DNAH8: variants seen among roughly 807,000 people sequenced by gnomAD.
DNAH8 encodes dynein axonemal heavy chain 8, also known as axonemal beta dynein heavy chain 8.
Under a neutral mutation model 562.1 loss-of-function variants are expected in DNAH8, and 382 were observed. That is an observed-to-expected ratio of 0.68 (90% CI 0.63 to 0.74). The LOEUF (loss-of-function observed/expected upper bound fraction) is 0.74, where lower values mean the gene tolerates loss of function less well. Ranked by LOEUF, DNAH8 falls within the 30% of genes least tolerant of loss-of-function variation. The pLI, the probability that DNAH8 is intolerant of heterozygous loss-of-function variation, is 0.00. For missense variants in DNAH8, 5,203 were observed against 5,620.4 expected, an observed-to-expected ratio of 0.93 and a Z score of 2.37; for synonymous variants, 1,881 against 1,919.4, an observed-to-expected ratio of 0.98 and a Z score of 0.52.
At chr6:38,808,756 A>G (rs1396462871) in intron 24 of DNAH8, among the ~76,000 whole-genome samples, 1 of 152,254 alleles carries the variant, frequency 6.6e-6, no homozygotes, top group East Asian at 1.9e-4. Flanking sequence ...AATACTATGC[A>G]GCCATAAAGA....
intron 88 of DNAH8, 78 bp downstream of exon 88, chr6:38,990,250 T>C: frequency 2.2e-6 from 2 of 916,346 alleles, no homozygotes; most frequent in Non-Finnish European, 3.3e-6. Flanking sequence ...TCATTTTCTC[T>C]CCTAATCTCT....
chr6:38,992,068 C>T (rs1017390282), intron 88 of DNAH8, among the ~76,000 whole-genome samples: 9 of 152,038 alleles, frequency 5.9e-5, no homozygotes, highest in African/African-American at 1.9e-4. Flanking sequence ...CAGGTTCAAG[C>T]GATTCTCCTG....
chr6:39,028,753 G>A (rs1767465600), intron 92 of DNAH8, among the ~76,000 whole-genome samples: 2 of 152,162 alleles, frequency 1.3e-5, no homozygotes, highest in South Asian at 2.1e-4. Context: ...GCTTTTAAGT[G>A]GTCCCATTAT....
Position 38,949,508 on chromosome 6 carries a change from G to A in DNAH8, c.12186G>A (p.Glu4062=). Residue 4062 remains glutamate, a synonymous_variant, in exon 81 of 93, where the codon GAG becomes GAA. Coordinates refer to ENST00000327475, the MANE Select transcript of DNAH8 (RefSeq NM_001206927.2). ...KSWFDKDAPE[E]EIIPDGYNDS... Reference sequence around the variant, plus strand: ...GGTTTGATAAAGATGCTCCAGAGGAGGAAATTATCCCTGATGGATATAATG... The same window carrying A: ...GGTTTGATAAAGATGCTCCAGAGGAAGAAATTATCCCTGATGGATATAATG... 3 of 1,613,546 alleles carry A rather than the reference G, an allele frequency of 1.9e-6. No homozygotes were observed. Among genetic ancestry groups the A allele is most frequent in the Non-Finnish European group, 1.7e-6 (2 of 1,179,590 alleles).
At chr6:38,768,495 A>C (rs2127618604) in intron 11 of DNAH8, among the ~76,000 whole-genome samples, 1 of 151,890 alleles carries the variant, frequency 6.6e-6, no homozygotes, top group South Asian at 2.1e-4. Flanking sequence ...CAAACTCCTG[A>C]GCTTAAGCCA....
chr6:38,998,089 G>C (rs13214471), intron 88 of DNAH8, among the ~76,000 whole-genome samples: 23,528 of 152,146 alleles, frequency 0.15, 2,296 homozygotes, highest in East Asian at 0.51. Flanking sequence ...ATTGGGCCAT[G>C]ATGGAGAACT....
At chr6:38,911,607 T>C in intron 66 of DNAH8, 21 bp downstream of exon 66, 1 of 1,465,936 alleles carries the variant, frequency 6.8e-7, no homozygotes, top group East Asian at 2.3e-5. Flanking sequence ...TGGAATGGAA[T>C]GGGATGGAAT....
In DNAH8 at chr6:38,853,315, C is replaced by T. The variant is rs111580219; in HGVS notation, c.5701C>T (p.Leu1901Phe). 9.4e-4 allele frequency: 1,524 copies of T among 1,613,488 alleles called. 12 individuals carry two copies. In the African/African-American group the frequency reaches 0.017, roughly 18 times the overall value. ...FYQISDSGFQ[L>F]LPFLSHFPAQ... The stretch of plus-strand genomic sequence containing the variant: ...TCAAATCAGTGATTCAGGATTTCAA[C>T]TCTTACCATTCCTCAGCCACTTTCC... Residue 1901 changes from leucine to phenylalanine, a missense_variant, in exon 41 of 93, where the codon CTC (leucine) becomes TTC (phenylalanine). Leu to Phe is a conservative substitution (Grantham distance 22). Coordinates refer to ENST00000327475, the MANE Select transcript of DNAH8 (RefSeq NM_001206927.2).
At position 38,938,139 on chromosome 6, in the gene DNAH8, T is replaced by C. The variant is rs375158290; in HGVS notation, c.11729T>C (p.Phe3910Ser). ...GCCACCCGCGGAAGCATCCTCTACT[T>C]CCTCATCACAGAGATGAGCATGGTC... ...PAATRGSILY[F>S]LITEMSMVNI... is the part of the protein sequence containing the mutation. Residue 3910 changes from phenylalanine (F) to serine (S), a missense_variant, in exon 78 of 93, where the codon TTC becomes TCC. Physicochemically the swap from Phe to Ser is radical, Grantham distance 155 (BLOSUM62 -2). This residue lies in a region of DNAH8 where 1,399 missense variants were observed against 1,518.4 expected (regional missense o/e 0.92). Transcript: ENST00000327475. The C allele has an allele frequency of 2.2e-5, 35 of 1,613,968 alleles. No individual in the cohort carries two copies. The highest frequency in any genetic ancestry group is 2.8e-5 in the Non-Finnish European group (33 of 1,180,006).
intron 88 of DNAH8, among the ~76,000 whole-genome samples, chr6:38,994,880 G>A (rs150209968): frequency 6.6e-6 from 1 of 151,982 alleles, no homozygotes. Context: ...TTGACCACAC[G>A]TGATCCGCCA....
At chr6:39,006,182 CTG>C (rs528358885) in intron 88 of DNAH8, among the ~76,000 whole-genome samples, 2 of 152,342 alleles carry the variant, frequency 1.3e-5, no homozygotes, top group South Asian at 4.1e-4. Context: ...CCAGTGAGAC[CTG>C]TGTCATATTT....
intron 62 of DNAH8, among the ~76,000 whole-genome samples, chr6:38,902,591 C>T (rs1015754778): frequency 6.6e-6 from 1 of 152,218 alleles, no homozygotes; most frequent in Non-Finnish European, 1.5e-5. Flanking sequence ...CCCTACCTAG[C>T]ATGTCAAGCC....
At chr6:38,867,752 C>CAAA (rs68060910) in intron 47 of DNAH8, among the ~76,000 whole-genome samples, 15 of 88,728 alleles carry the variant, frequency 1.7e-4, no homozygotes, top group African/African-American at 4.0e-4. Flanking sequence ...GACTCCATCT[C>CAAA]AAAAAAAAAA....
intron 30 of DNAH8, among the ~76,000 whole-genome samples, chr6:38,830,642 A>G (rs1397014708): frequency 1.3e-5 from 2 of 151,316 alleles, no homozygotes; most frequent in Admixed American, 1.3e-4. Flanking sequence ...CTCAAAAAAA[A>G]AAAAAAAAAA....
At chr6:39,021,332 G>A (rs760641655) in intron 91 of DNAH8, among the ~76,000 whole-genome samples, 3 of 138,812 alleles carry the variant, frequency 2.2e-5, no homozygotes, top group African/African-American at 5.3e-5. Flanking sequence ...TGCACTTTTA[G>A]TACATCCCCC....
chr6:38,721,490 G>A (rs75516857), intron 1 of DNAH8, among the ~76,000 whole-genome samples: 4,907 of 150,290 alleles, frequency 0.033, 107 homozygotes, highest in Non-Finnish European at 0.042. Flanking sequence ...AGGTGGCAGC[G>A]TGAGGCCCTG....
At chr6:38,990,230 A>G (rs1583520873) in intron 88 of DNAH8, 58 bp downstream of exon 88, 2 of 1,166,312 alleles carry the variant, frequency 1.7e-6, no homozygotes, top group East Asian at 2.5e-5. Flanking sequence ...TCTGGCAAAG[A>G]TGGTGCATTT....
At position 38,982,341 on chromosome 6, in the gene DNAH8, T is replaced by C; in HGVS notation, c.12835-5T>C. On this transcript the variant is annotated splice_polypyrimidine_tract_variant and splice_region_variant and intron_variant, in intron 85 of 92. Transcript: ENST00000327475. ...CAATACTTACTTTTCTTTGGTGTTT[T>C]TAAGGAGCGACGAAAATTTGGCCCC... 1 of 1,471,576 alleles carries C rather than the reference T, an allele frequency of 6.8e-7. No individual in the cohort carries two copies. The highest frequency in any genetic ancestry group is 9.5e-7 in the Non-Finnish European group (1 of 1,051,498). The allele number at this position is 1,471,576 out of a possible 1,614,324, so 91.2% of individuals were successfully genotyped here.
At chr6:38,891,072 T>C (rs1334992224) in intron 58 of DNAH8, among the ~76,000 whole-genome samples, 4 of 152,240 alleles carry the variant, frequency 2.6e-5, no homozygotes, top group Non-Finnish European at 5.9e-5. Flanking sequence ...TTATTTGTAT[T>C]ATCTGTCTCC....
Sources: allele counts gnomAD v4.1 joint callset (sites outside exome capture counted in the v4.1 genomes callset), GRCh38; gene constraint gnomAD v4.1.1; regional missense constraint gnomAD v4.1.1; transcripts MANE v1.5; gene names NCBI Gene and HGNC (gene_info 2026-07-23, HGNC 2026-07-21).